The following KCND2 variants were observed in gnomAD, a reference collection of about 807,000 sequenced individuals.
KCND2 encodes potassium voltage-gated channel subfamily D member 2.
KCND2 carries 16 observed loss-of-function variants against 54.4 expected under a neutral mutation model. The ratio of observed to expected loss-of-function variants is 0.29; its 90% CI spans 0.20 to 0.45. The LOEUF is 0.45. KCND2 is among the 20% of genes least tolerant of loss of function. The pLI, the probability that KCND2 is intolerant of heterozygous loss-of-function variation, is 1.00. For synonymous variants in KCND2, 317 were observed against 310.7 expected (o/e 1.02, Z -0.21); for missense variants, 486 against 824.2 (o/e 0.59, Z 5.02).
chr7:120,463,773 G>C (rs1022111881), intron 1 of KCND2, among the ~76,000 whole-genome samples: 3 of 152,040 alleles, frequency 2.0e-5, no homozygotes, highest in African/African-American at 7.2e-5. Flanking sequence ...CCTAGAAAAG[G>C]CTGCAGGTTG....
chr7:120,502,153 C>T (rs1802945813), intron 1 of KCND2, among the ~76,000 whole-genome samples: 2 of 152,020 alleles, frequency 1.3e-5, no homozygotes, highest in African/African-American at 4.8e-5. Context: ...AAGTAGCAAA[C>T]TCGGTCCCAT....
intron 1 of KCND2, among the ~76,000 whole-genome samples, chr7:120,568,154 C>T (rs966476156): frequency 3.9e-5 from 6 of 151,920 alleles, no homozygotes; most frequent in African/African-American, 1.4e-4. Flanking sequence ...GTGAGACAGA[C>T]AGCAAATAAA....
At chr7:120,702,009 A>G (rs1372871400) in intron 1 of KCND2, among the ~76,000 whole-genome samples, 1 of 152,198 alleles carries the variant, frequency 6.6e-6, no homozygotes, top group Non-Finnish European at 1.5e-5. Context: ...TCAACAGAGT[A>G]AACAAACACT....
intron 1 of KCND2, among the ~76,000 whole-genome samples, chr7:120,718,085 A>G (rs1467655931): frequency 1.3e-5 from 2 of 152,144 alleles, no homozygotes; most frequent in African/African-American, 4.8e-5. Flanking sequence ...GTAATGGTGG[A>G]GAGAGGCAGT....
intron 1 of KCND2, among the ~76,000 whole-genome samples, chr7:120,666,020 A>C (rs2116566306): frequency 6.6e-6 from 1 of 152,254 alleles, no homozygotes; most frequent in East Asian, 1.9e-4. Flanking sequence ...GGGCATAATT[A>C]TTAAGAAAAC....
intron 1 of KCND2, among the ~76,000 whole-genome samples, chr7:120,287,125 A>G (rs1039073520): frequency 6.6e-6 from 1 of 152,120 alleles, no homozygotes; most frequent in Non-Finnish European, 1.5e-5. Context: ...AACATAATGA[A>G]GTGTGGCTGC....
intron 1 of KCND2, among the ~76,000 whole-genome samples, chr7:120,529,592 C>T (rs137923024): frequency 5.3e-5 from 8 of 152,246 alleles, no homozygotes; most frequent in Non-Finnish European, 1.0e-4. Flanking sequence ...TTAATGAATA[C>T]AGTCATTTTC....
intron 1 of KCND2, among the ~76,000 whole-genome samples, chr7:120,328,131 C>A (rs1368761376): frequency 6.6e-6 from 1 of 152,070 alleles, no homozygotes; most frequent in Non-Finnish European, 1.5e-5. Context: ...CCCAACTGGA[C>A]CTGGTGGTGG....
rs531725604 is a variant in KCND2, at chr7:120,336,982, A to G, written c.1115+61235A>G. Among the ~76,000 whole-genome samples, 4 of 152,308 alleles carry G rather than the reference A, an allele frequency of 2.6e-5. No homozygotes were observed. In the East Asian group the frequency reaches 7.7e-4, roughly 29 times the overall value. On this transcript the variant is annotated intron_variant, in intron 1 of 5. Transcript: ENST00000331113. ...CTCCACCTGAAAGGGAAGATTGACT[A>G]TACAAAAAATTTAGTTAACTTTTGT...
chr7:120,407,449 C>T (rs1257362942), intron 1 of KCND2, among the ~76,000 whole-genome samples: 1 of 152,020 alleles, frequency 6.6e-6, no homozygotes, highest in African/African-American at 2.4e-5. Flanking sequence ...GAGAGGCAGG[C>T]ATACTGTAGT....
intron 1 of KCND2, among the ~76,000 whole-genome samples, chr7:120,690,594 C>G (rs1246416011): frequency 6.6e-6 from 1 of 152,104 alleles, no homozygotes; most frequent in Non-Finnish European, 1.5e-5. Flanking sequence ...GGGCAGGACA[C>G]TGGAACAGAT....
At chr7:120,400,769 G>A (rs1801240570) in intron 1 of KCND2, among the ~76,000 whole-genome samples, 1 of 152,070 alleles carries the variant, frequency 6.6e-6, no homozygotes, top group Non-Finnish European at 1.5e-5. Flanking sequence ...CTGTGACTGT[G>A]CATCTAACAA....
At chr7:120,376,298 T>C (rs1800834512) in intron 1 of KCND2, among the ~76,000 whole-genome samples, 3 of 151,732 alleles carry the variant, frequency 2.0e-5, no homozygotes, top group African/African-American at 4.8e-5. Context: ...ATGGTTATAC[T>C]ATGAGCTAAG....
chr7:120,715,907 G>A (rs1323079261), intron 1 of KCND2, among the ~76,000 whole-genome samples: 1 of 151,934 alleles, frequency 6.6e-6, no homozygotes. Context: ...ACAAATGAGG[G>A]AGTTTAACTT....
intron 1 of KCND2, among the ~76,000 whole-genome samples, chr7:120,584,219 T>A (rs1792561781): frequency 6.6e-6 from 1 of 152,234 alleles, no homozygotes. Flanking sequence ...TCATCACACA[T>A]ATGCTGCCCT....
chr7:120,670,237 G>T (rs1201746775), intron 1 of KCND2, among the ~76,000 whole-genome samples: 1 of 152,052 alleles, frequency 6.6e-6, no homozygotes, highest in Non-Finnish European at 1.5e-5. Context: ...ATCCAGACCA[G>T]CGTATCATTT....
chr7:120,534,945 T>A (rs1791886811), intron 1 of KCND2, among the ~76,000 whole-genome samples: 1 of 152,186 alleles, frequency 6.6e-6, no homozygotes, highest in Non-Finnish European at 1.5e-5. Flanking sequence ...TAAAGAAGAA[T>A]GTATTCTAGA....
At chr7:120,384,150 T>C (rs1188077351) in intron 1 of KCND2, among the ~76,000 whole-genome samples, 1 of 152,106 alleles carries the variant, frequency 6.6e-6, no homozygotes, top group Non-Finnish European at 1.5e-5. Flanking sequence ...TAAACAGTTA[T>C]GTTGCATTGT....
At chr7:120,452,000 C>T (rs752732170) in intron 1 of KCND2, among the ~76,000 whole-genome samples, 39 of 152,334 alleles carry the variant, frequency 2.6e-4, no homozygotes, top group African/African-American at 9.1e-4. Flanking sequence ...AAATCGATAA[C>T]ACATTTTTAA....
Sources: gnomAD v4.1 joint callset for allele counts (sites outside exome capture counted in the v4.1 genomes callset) on GRCh38, gnomAD v4.1.1 for gene constraint, MANE v1.5 for transcripts, NCBI Gene and HGNC (gene_info 2026-07-23, HGNC 2026-07-21) for gene names.